PCNX2: variants seen among roughly 807,000 people sequenced by gnomAD.
PCNX2 encodes the protein pecanex 2, also known as pecanex-like protein 2.
Under a neutral mutation model 223.8 loss-of-function variants are expected in PCNX2, and 168 were observed. That is an observed-to-expected ratio of 0.75 (90% confidence interval 0.66 to 0.85). The LOEUF (loss-of-function observed/expected upper bound fraction) is 0.85, where lower values mean the gene tolerates loss of function less well. Ranked by LOEUF, PCNX2 falls within the 40% of genes least tolerant of loss-of-function variation. PCNX2 has a pLI of 0.00. For missense variants in PCNX2, 2,507 were observed against 2,675.5 expected (o/e 0.94, Z 1.39); for synonymous variants, 1,006 against 1,052.6 (o/e 0.96, Z 0.86).
the PCNX2 span, among the ~76,000 whole-genome samples, chr1:233,304,568 G>T: frequency 6.6e-6 from 1 of 152,128 alleles, no homozygotes; most frequent in Non-Finnish European, 1.5e-5. Flanking sequence ...ACAGTGAAAT[G>T]TGAAATAGAA....
At chr1:233,130,144 C>T (rs1676384371) in intron 21 of PCNX2, among the ~76,000 whole-genome samples, 1 of 152,140 alleles carries the variant, frequency 6.6e-6, no homozygotes, top group Non-Finnish European at 1.5e-5. Context: ...ACCACGAACC[C>T]ACCAGAAGGA....
Position 233,218,304 on chromosome 1 carries a change from A to G in PCNX2, c.2505-120T>C, listed in dbSNP as rs535431180. On this transcript the variant is annotated intron_variant, in intron 10 of 33. Transcript: ENST00000258229. ...TGCTCTATCGCCCAGGCTGGAGTGC[A>G]GTGGCATGATCTCAGCTCACTGCAA... 2.2e-5 allele frequency: 19 copies of G among 881,620 alleles called. 1 individual carries two copies. The East Asian group carries it at 4.7e-4, about 22-fold the overall frequency. The allele number at this position is 881,620 out of a possible 1,614,324, so 54.6% of individuals were successfully genotyped here.
chr1:233,189,155 T>C (rs1156946484), intron 15 of PCNX2, among the ~76,000 whole-genome samples: 1 of 152,168 alleles, frequency 6.6e-6, no homozygotes, highest in African/African-American at 2.4e-5. Context: ...CATTTTACAA[T>C]GGAAAAAACA....
At chr1:233,172,490 C>T (rs993464418) in intron 17 of PCNX2, 3 of 985,384 alleles carry the variant, frequency 3.0e-6, no homozygotes, top group Non-Finnish European at 3.6e-6. Flanking sequence ...CTTGCACTTC[C>T]TGGTGTGGAG....
intron 23 of PCNX2, among the ~76,000 whole-genome samples, chr1:233,083,545 C>T (rs993202508): frequency 1.3e-5 from 2 of 152,132 alleles, no homozygotes; most frequent in South Asian, 2.1e-4. Flanking sequence ...CCTAAGGGTC[C>T]GTGCTATACT....
At chr1:233,272,401 A>T (rs1039763356) in intron 1 of PCNX2, among the ~76,000 whole-genome samples, 1 of 152,200 alleles carries the variant, frequency 6.6e-6, no homozygotes. Context: ...AATGCTCAAC[A>T]TCGCTAATGA....
intron 1 of PCNX2, chr1:233,291,991 T>C: frequency 1.0e-6 from 1 of 985,120 alleles, no homozygotes; most frequent in Non-Finnish European, 1.2e-6. Flanking sequence ...TTTTCAGTTG[T>C]ACATTTCCAA....
At chr1:233,113,099 C>T (rs895191684) in intron 21 of PCNX2, 20 of 1,032,210 alleles carry the variant, frequency 1.9e-5, no homozygotes, top group Admixed American at 2.5e-5. Context: ...GTGGTCACAA[C>T]GCAGTGAGCT....
chr1:233,107,431 A>G (rs947182243), intron 21 of PCNX2, among the ~76,000 whole-genome samples: 1 of 152,194 alleles, frequency 6.6e-6, no homozygotes. Context: ...GAGCCCTGCT[A>G]ACATTATTTA....
chr1:233,307,401 C>T, the PCNX2 span, among the ~76,000 whole-genome samples: 15 of 152,154 alleles, frequency 9.9e-5, no homozygotes, highest in Non-Finnish European at 1.5e-4. Flanking sequence ...CTCTCTTGCT[C>T]TCTCACGCCA....
At chr1:233,176,409 C>A (rs1679479989) in intron 17 of PCNX2, among the ~76,000 whole-genome samples, 1 of 152,144 alleles carries the variant, frequency 6.6e-6, no homozygotes. Context: ...TTCTCTGTGA[C>A]CCAGCCATAA....
At chr1:233,277,706 C>A (rs1572193251) in intron 1 of PCNX2, among the ~76,000 whole-genome samples, 1 of 152,122 alleles carries the variant, frequency 6.6e-6, no homozygotes, top group East Asian at 1.9e-4. Context: ...CTGGCTTCAA[C>A]TGTGATGCAG....
intron 21 of PCNX2, among the ~76,000 whole-genome samples, chr1:233,118,095 A>G (rs1170153652): frequency 1.3e-5 from 2 of 152,228 alleles, no homozygotes; most frequent in East Asian, 3.9e-4. Flanking sequence ...TCAAAAATCA[A>G]TCAATGTAAT....
At chr1:233,122,058 C>A (rs1371858138) in intron 21 of PCNX2, among the ~76,000 whole-genome samples, 1 of 147,040 alleles carries the variant, frequency 6.8e-6, no homozygotes, top group Non-Finnish European at 1.5e-5. Flanking sequence ...CCTGTAGTGA[C>A]AGAAAGTTAG....
rs752850885 is a variant in PCNX2, at chr1:233,295,494, G to T, written c.-16C>A. 314 of 1,543,288 alleles carry T rather than the reference G, an allele frequency of 2.0e-4. No individual in the cohort carries two copies. The highest frequency in any genetic ancestry group is 2.7e-4 in the Non-Finnish European group (306 of 1,143,756). ...GGGACACCATGCCGGCTGCGCCCCG[G>T]GGCTGGTGAGCGCCCCGCTGCACCC... is the stretch of plus-strand genomic sequence containing the variant. On this transcript the variant is annotated 5_prime_UTR_variant, in exon 1 of 34. Transcript: ENST00000258229. This position sits in a 1 kb window ranked among gnomAD's most constrained non-coding sequence, Gnocchi z 4.1.
At chr1:233,084,505 T>C (rs1673505313) in intron 23 of PCNX2, among the ~76,000 whole-genome samples, 1 of 152,256 alleles carries the variant, frequency 6.6e-6, no homozygotes, top group African/African-American at 2.4e-5. Context: ...ATGAAAGCTT[T>C]ATTTCCCTTT....
At chr1:232,999,921 G>T (rs934170231) in intron 30 of PCNX2, among the ~76,000 whole-genome samples, 1 of 152,208 alleles carries the variant, frequency 6.6e-6, no homozygotes, top group Non-Finnish European at 1.5e-5. Flanking sequence ...TATGAAAAGA[G>T]GAGCCATTGG....
At chr1:233,265,700 T>C (rs536322287) in intron 1 of PCNX2, among the ~76,000 whole-genome samples, 1 of 152,250 alleles carries the variant, frequency 6.6e-6, no homozygotes, top group African/African-American at 2.4e-5. Flanking sequence ...AAGCTAGCAA[T>C]ACTTAATTAA....
At chr1:233,187,293 G>GA (rs762525964) in intron 15 of PCNX2, among the ~76,000 whole-genome samples, 1 of 152,110 alleles carries the variant, frequency 6.6e-6, no homozygotes, top group Non-Finnish European at 1.5e-5. Flanking sequence ...ATTACATACA[G>GA]AAAAAAACAA....
Sources: allele counts gnomAD v4.1 joint callset (sites outside exome capture counted in the v4.1 genomes callset), GRCh38; gene constraint gnomAD v4.1.1; non-coding constraint Gnocchi (gnomAD v3.1); transcripts MANE v1.5; gene names NCBI Gene and HGNC (gene_info 2026-07-23, HGNC 2026-07-21).